ZNF888: variants seen among roughly 807,000 people sequenced by gnomAD.
The protein encoded by ZNF888 is zinc finger protein 888.
Under a neutral mutation model 7.2 loss-of-function variants are expected in ZNF888, and 5 were observed. That is an observed-to-expected ratio of 0.70 (90% confidence interval 0.36 to 1.46). The LOEUF (loss-of-function observed/expected upper bound fraction) is 1.46. Ranked by LOEUF, ZNF888 falls within the 40% of genes most tolerant of loss-of-function variation. ZNF888 has a pLI of 0.03. For synonymous variants in ZNF888, 240 were observed against 284.3 expected, an observed-to-expected ratio of 0.84 and a Z score of 1.57; for missense variants, 716 against 858.0, an observed-to-expected ratio of 0.83 and a Z score of 2.07.
At position 52,906,213 on chromosome 19, in the gene ZNF888, T is replaced by A; in HGVS notation, c.2109A>T (p.Ser703=). 1 of 1,610,560 alleles carries A rather than the reference T, an allele frequency of 6.2e-7. No individual in the cohort carries two copies. ...SECGKAFRAQ[S]TLIHHQAIHG... The stretch of plus-strand genomic sequence containing the variant: ...GGATTGCCTGATGGTGAATAAGTGT[T>A]GACTGTGCACGAAAGGCTTTGCCAC... Residue 703 remains serine (S), a synonymous_variant, in exon 5 of 5, where the codon TCA becomes TCT. Coordinates refer to ENST00000638862, the MANE Select transcript of ZNF888 (RefSeq NM_001393938.1).
chr19:52,905,972 T>A lies in ZNF888; in HGVS notation c.*193A>T, dbSNP rs2064602552. 3.3e-6 allele frequency: 3 copies of A among 917,520 alleles called. No individual in the cohort carries two copies. Among genetic ancestry groups the A allele is most frequent in the Admixed American group, 1.9e-5 (1 of 53,964 alleles). The allele number at this position is 917,520 out of a possible 1,614,324, so 56.8% of individuals were successfully genotyped here. A position where few individuals can be genotyped will look rare whatever the true frequency, so the allele number is the denominator to read the frequency against. ...TGTTTTGCATAGGATGAAGCTTGAC[T>A]GAAGACCTTGCCTCAATCATGACAT... is the stretch of plus-strand genomic sequence containing the variant. On this transcript the variant is annotated 3_prime_UTR_variant, in exon 5 of 5. Coordinates refer to ENST00000638862, the MANE Select transcript of ZNF888 (RefSeq NM_001393938.1).
At chr19:52,908,663 A>T (rs2064639892) in intron 4 of ZNF888, among the ~76,000 whole-genome samples, 1 of 152,140 alleles carries the variant, frequency 6.6e-6, no homozygotes, top group African/African-American at 2.4e-5. Flanking sequence ...TCAAACCATC[A>T]CAGCACAGAG....
chr19:52,910,572 A>G (rs1978616), intron 4 of ZNF888, among the ~76,000 whole-genome samples: 52,646 of 152,106 alleles, frequency 0.35, 10,853 homozygotes, highest in African/African-American at 0.56. Context: ...GAATTTAGCC[A>G]TGGGTGTTGA....
At chr19:52,916,851 G>A (rs2064757794) in intron 3 of ZNF888, among the ~76,000 whole-genome samples, 1 of 151,800 alleles carries the variant, frequency 6.6e-6, no homozygotes, top group African/African-American at 2.4e-5. Flanking sequence ...GGCAAAGTTT[G>A]CAGTAAGCCA....
At chr19:52,918,302 C>A (rs1181310101) in intron 2 of ZNF888, 3 of 586,374 alleles carry the variant, frequency 5.1e-6, no homozygotes, top group Non-Finnish European at 6.4e-6. Flanking sequence ...CCAGCCTGGG[C>A]AACATGGTGA....
At position 52,912,144 on chromosome 19, in the gene ZNF888, T is replaced by C. The variant is rs1226521586; in HGVS notation, c.142+3052A>G. ...TTTATTTTTTTTTGAGACGGAATCT[T>C]GCTCTGTCACCCAGGCTGGAGTGTC... is the stretch of plus-strand genomic sequence containing the variant. On this transcript the variant is annotated intron_variant, in intron 4 of 4. Coordinates refer to ENST00000638862, the MANE Select transcript of ZNF888 (RefSeq NM_001393938.1). 1.5e-4 allele frequency among the ~76,000 whole-genome samples: 20 copies of C among 136,572 alleles called. No individual in the cohort carries two copies. In the South Asian group the frequency reaches 1.6e-3, roughly 11 times the overall value. 89.6% of individuals were successfully genotyped at this position (136,572 alleles called of 152,430 possible).
Position 52,908,101 on chromosome 19 carries a change from T to C in ZNF888, c.221A>G (p.Gln74Arg). The change falls in exon 5 of 5, where the codon CAA (glutamine) becomes CGA (arginine). Residue 74 changes from glutamine (Q) to arginine (R), a missense_variant. Transcript: ENST00000638862. ...TCCAATGTGATGACTTGCCAGTCTT[T>C]GCAATGTCCCTGTGTGGATCACTTC... ...NTEVIHTGTL[Q>R]RLASHHIGEC... 6.2e-7 allele frequency: 1 copy of C among 1,614,206 alleles called. No homozygotes were observed. The highest frequency in any genetic ancestry group is 1.1e-5 in the South Asian group (1 of 91,082).
Position 52,908,961 on chromosome 19 carries a change from G to A in ZNF888, c.143-782C>T, listed in dbSNP as rs1182268782. 4.0e-5 allele frequency among the ~76,000 whole-genome samples: 6 copies of A among 150,906 alleles called. No individual in the cohort carries two copies. The East Asian group carries it at 5.9e-4, about 15-fold the overall frequency. Reference sequence around the variant, plus strand: ...CAGGAGTATGACCAGCCTGGCCATCGTGGCAAAACCCCGTCTCTACTAAAA... The same window carrying A: ...CAGGAGTATGACCAGCCTGGCCATCATGGCAAAACCCCGTCTCTACTAAAA... On this transcript the variant is annotated intron_variant, in intron 4 of 4. Coordinates refer to ENST00000638862, the MANE Select transcript of ZNF888 (RefSeq NM_001393938.1).
At chr19:52,921,303 A>G (rs1600693428) in intron 1 of ZNF888, among the ~76,000 whole-genome samples, 1 of 152,200 alleles carries the variant, frequency 6.6e-6, no homozygotes, top group African/African-American at 2.4e-5. Flanking sequence ...CACAGTGAGG[A>G]GATGGGCTTT....
chr19:52,916,508 G>A lies in ZNF888; in HGVS notation c.16-1186C>T, dbSNP rs541428426. ...TGTACATATATATGTGTATGTACAT[G>A]TGTGTGTGTACCTATATATGTGTGT... On this transcript the variant is annotated intron_variant, in intron 3 of 4. Transcript: ENST00000638862. Among the ~76,000 whole-genome samples the A allele has an allele frequency of 1.3e-4, 19 of 150,744 alleles. No homozygotes were observed. The East Asian group carries it at 1.7e-3, about 14-fold the overall frequency.
At chr19:52,916,762 G>A (rs2064756537) in intron 3 of ZNF888, among the ~76,000 whole-genome samples, 1 of 151,796 alleles carries the variant, frequency 6.6e-6, no homozygotes, top group African/African-American at 2.4e-5. Flanking sequence ...TAAGAAAACA[G>A]GAAATGCCCC....
At chr19:52,914,895 G>A (rs2064725977) in intron 4 of ZNF888, among the ~76,000 whole-genome samples, 1 of 152,134 alleles carries the variant, frequency 6.6e-6, no homozygotes, top group Non-Finnish European at 1.5e-5. Context: ...TCCAACTCCT[G>A]ATCTAAAGTG....
chr19:52,909,083 A>G (rs1004501579), intron 4 of ZNF888, among the ~76,000 whole-genome samples: 2 of 150,936 alleles, frequency 1.3e-5, no homozygotes, highest in Non-Finnish European at 3.0e-5. Context: ...AGGCGAAGAT[A>G]GTGGTAAACT....
intron 4 of ZNF888, among the ~76,000 whole-genome samples, chr19:52,911,681 A>C (rs980304539): frequency 5.3e-5 from 8 of 152,274 alleles, no homozygotes; most frequent in African/African-American, 1.9e-4. Context: ...TGACAGAAAC[A>C]GGAAAAAGAG....
intron 4 of ZNF888, among the ~76,000 whole-genome samples, chr19:52,908,423 TG>T (rs1465468693): frequency 6.6e-6 from 1 of 152,146 alleles, no homozygotes; most frequent in African/African-American, 2.4e-5. Flanking sequence ...CACAAACATG[TG>T]TAAGCCTAAA....
chr19:52,906,085 T>G lies in ZNF888; in HGVS notation c.*80A>C. Reference sequence around the variant, plus strand: ...AAATTTGCCACATTTACTACACTTGTAAGATCTCTATTCATTATGGATTCT... The same window carrying G: ...AAATTTGCCACATTTACTACACTTGGAAGATCTCTATTCATTATGGATTCT... On this transcript the variant is annotated 3_prime_UTR_variant, in exon 5 of 5. Transcript: ENST00000638862. The G allele has an allele frequency of 6.2e-7, 1 of 1,604,774 alleles. No homozygotes were observed. The highest frequency in any genetic ancestry group is 8.5e-7 in the Non-Finnish European group (1 of 1,172,216).
At chr19:52,920,489 C>CAAA (rs1191621530) in intron 1 of ZNF888, among the ~76,000 whole-genome samples, 2 of 6,868 alleles carry the variant, frequency 2.9e-4, no homozygotes, top group South Asian at 0.012. Flanking sequence ...TGCTTGAAGG[C>CAAA]AAAAAAAAAA....
chr19:52,906,921 T>G lies in ZNF888; in HGVS notation c.1401A>C (p.Lys467Asn), dbSNP rs893354672. 2 of 1,610,888 alleles carry G rather than the reference T, an allele frequency of 1.2e-6. No individual in the cohort carries two copies. The highest frequency in any genetic ancestry group is 4.5e-5 in the East Asian group (2 of 44,658). ...HRLHTGEKPY[K>N]CKECDKVFSR... ...TGAAAACTTTGTCACATTCTTTACATTTGTAAGGTTTCTCTCCAGTATGAA... is the reference window on the plus strand; with the variant it reads ...TGAAAACTTTGTCACATTCTTTACAGTTGTAAGGTTTCTCTCCAGTATGAA... Residue 467 changes from lysine (K) to asparagine (N), a missense_variant, in exon 5 of 5, where the codon AAA becomes AAC. Around this residue, in one of 2 missense-constraint regions of ZNF888, gnomAD observed 697 missense variants for 803.4 expected, o/e 0.87. Transcript: ENST00000638862.
At position 52,920,452 on chromosome 19, in the gene ZNF888, G is replaced by A. The variant is rs921446899; in HGVS notation, c.-177-1515C>T. On this transcript the variant is annotated intron_variant, in intron 1 of 4. Transcript: ENST00000638862. ...ACTCAGGGTTAAATGGATTAAGGGCGGTGCAAGATGTGCTTTGTTAAACAG... is the reference window on the plus strand; with the variant it reads ...ACTCAGGGTTAAATGGATTAAGGGCAGTGCAAGATGTGCTTTGTTAAACAG... Among the ~76,000 whole-genome samples, 5 of 41,250 alleles carry A rather than the reference G, an allele frequency of 1.2e-4. 1 individual carries two copies. Among genetic ancestry groups the A allele is most frequent in the African/African-American group, 3.4e-4 (4 of 11,686 alleles). 27.1% of individuals were successfully genotyped at this position (41,250 alleles called of 152,430 possible).
Sources: gnomAD v4.1 joint callset for allele counts (sites outside exome capture counted in the v4.1 genomes callset) on GRCh38, gnomAD v4.1.1 for gene constraint, gnomAD v4.1.1 regional missense constraint, MANE v1.5 for transcripts, NCBI Gene and HGNC (gene_info 2026-07-23, HGNC 2026-07-21) for gene names.